MYO9A: variants seen among roughly 807,000 people sequenced by gnomAD.
MYO9A encodes the protein unconventional myosin-IXa.
A neutral mutation model predicts 293.3 loss-of-function variants in MYO9A; 103 were observed. The ratio of observed to expected loss-of-function variants is 0.35; its 90% CI spans 0.30 to 0.41. The LOEUF (loss-of-function observed/expected upper bound fraction) is 0.41, where lower values mean the gene tolerates loss of function less well. Ranked by LOEUF, MYO9A falls within the 10% of genes least tolerant of loss-of-function variation. The probability of loss-of-function intolerance (pLI) is 1.00; values close to 1 mark genes in which losing one functional copy is unlikely to be tolerated. For synonymous variants in MYO9A, 1,001 were observed against 1,035.7 expected, an observed-to-expected ratio of 0.97 and a Z score of 0.64; for missense variants, 2,685 against 3,033.0, an observed-to-expected ratio of 0.89 and a Z score of 2.69.
chr15:72,078,665 CTT>C (rs1403976301), intron 1 of MYO9A, among the ~76,000 whole-genome samples: 3 of 152,138 alleles, frequency 2.0e-5, no homozygotes, highest in African/African-American at 7.2e-5. Flanking sequence ...AAAAAAATAA[CTT>C]TAAAAACCTG....
chr15:71,936,608 AATT>A (rs1300817300), intron 16 of MYO9A, among the ~76,000 whole-genome samples: 1 of 152,126 alleles, frequency 6.6e-6, no homozygotes, highest in Non-Finnish European at 1.5e-5. Context: ...TAATATGTAT[AATT>A]ATTATGAGTG....
intron 1 of MYO9A, among the ~76,000 whole-genome samples, chr15:72,102,748 A>C (rs2080400713): frequency 4.6e-5 from 7 of 152,098 alleles, no homozygotes; most frequent in Admixed American, 4.6e-4. Flanking sequence ...TTAATGAGGA[A>C]AGGTTGAACA....
intron 9 of MYO9A, among the ~76,000 whole-genome samples, chr15:71,997,819 C>G (rs555194796): frequency 6.6e-6 from 1 of 151,992 alleles, no homozygotes; most frequent in African/African-American, 2.4e-5. Context: ...GTCAGAAAAA[C>G]GACAGATGCT....
chr15:71,836,535 G>C (rs1266119203), intron 39 of MYO9A, among the ~76,000 whole-genome samples: 3 of 151,972 alleles, frequency 2.0e-5, no homozygotes, highest in Non-Finnish European at 4.4e-5. Flanking sequence ...ATACATGTAT[G>C]AGTCCATTAA....
At chr15:72,038,505 G>A (rs2078127362) in intron 2 of MYO9A, among the ~76,000 whole-genome samples, 1 of 152,192 alleles carries the variant, frequency 6.6e-6, no homozygotes. Context: ...CAGAATCTCA[G>A]AGGACAGGAT....
chr15:72,027,121 C>A (rs1174332911), intron 4 of MYO9A, among the ~76,000 whole-genome samples: 1 of 152,114 alleles, frequency 6.6e-6, no homozygotes, highest in African/African-American at 2.4e-5. Flanking sequence ...GAGTTATATA[C>A]CCTTATTTCA....
intron 6 of MYO9A, among the ~76,000 whole-genome samples, chr15:72,016,083 G>A (rs1229945576): frequency 2.0e-5 from 3 of 152,004 alleles, no homozygotes; most frequent in South Asian, 4.2e-4. Context: ...AACAAAGGCT[G>A]AGATGTTAAT....
At chr15:71,828,731 T>G (rs560377044) in intron 40 of MYO9A, among the ~76,000 whole-genome samples, 166 of 152,338 alleles carry the variant, frequency 1.1e-3, no homozygotes, top group Admixed American at 3.1e-3. Flanking sequence ...TCAATTAATA[T>G]CTTTGTAAAA....
At chr15:72,086,061 G>A (rs557760085) in intron 1 of MYO9A, among the ~76,000 whole-genome samples, 11 of 152,268 alleles carry the variant, frequency 7.2e-5, no homozygotes, top group South Asian at 2.1e-4. Context: ...ACACTCCAGC[G>A]GGTGGTGCCA....
chr15:71,993,526 AC>A (rs1422870805), intron 10 of MYO9A, among the ~76,000 whole-genome samples: 1 of 152,154 alleles, frequency 6.6e-6, no homozygotes, highest in African/African-American at 2.4e-5. Flanking sequence ...ATAAAATGAA[AC>A]CATTCCCCTT....
intron 32 of MYO9A, among the ~76,000 whole-genome samples, chr15:71,873,378 A>G (rs1278191412): frequency 6.6e-6 from 1 of 152,152 alleles, no homozygotes; most frequent in East Asian, 1.9e-4. Flanking sequence ...CTCTTCTTCA[A>G]TAAAGAACCT....
chr15:71,956,150 TA>T (rs1376778592), intron 14 of MYO9A, among the ~76,000 whole-genome samples: 5 of 149,286 alleles, frequency 3.3e-5, no homozygotes, highest in Non-Finnish European at 5.9e-5. Context: ...AAAACAAATT[TA>T]AAAAAAGAAA....
rs767472354 is a variant in MYO9A at position 71,935,440 on chromosome 15, T to C, written c.2423A>G (p.Gln808Arg). 20 of 1,613,718 alleles carry C rather than the reference T, an allele frequency of 1.2e-5. No individual in the cohort carries two copies. In the South Asian group the frequency reaches 2.2e-4, roughly 18 times the overall value. Reference sequence around the variant, plus strand: ...GGAGGTGCCACTTGATAGTCTGCTCTGGCGAATCCCAGTTCTGCCATTCCA... The same window carrying C: ...GGAGGTGCCACTTGATAGTCTGCTCCGGCGAATCCCAGTTCTGCCATTCCA... ...IAWNGRTGIR[Q>R]SRLSSGTSLL... Residue 808 changes from glutamine to arginine, a missense_variant, in exon 17 of 42, where the codon CAG (glutamine) becomes CGG (arginine). Gln to Arg is a conservative substitution (Grantham distance 43). This residue lies in a region of MYO9A where 1,434 missense variants were observed against 1,497.7 expected (regional missense o/e 0.96). Transcript: ENST00000356056.
chr15:72,116,325 A>G (rs2080976372), intron 1 of MYO9A, among the ~76,000 whole-genome samples: 1 of 152,224 alleles, frequency 6.6e-6, no homozygotes, highest in Non-Finnish European at 1.5e-5. Flanking sequence ...AGACCTCTTT[A>G]TATTTCATCT....
chr15:72,078,575 A>G (rs922194267), intron 1 of MYO9A, among the ~76,000 whole-genome samples: 24 of 152,082 alleles, frequency 1.6e-4, no homozygotes, highest in African/African-American at 5.5e-4. Context: ...ACTATTCAAG[A>G]GGCTGAGGTG....
chr15:71,987,323 C>A (rs1161541213), intron 11 of MYO9A, among the ~76,000 whole-genome samples: 1 of 152,194 alleles, frequency 6.6e-6, no homozygotes, highest in Non-Finnish European at 1.5e-5. Context: ...CTTTCCAGTT[C>A]ACTGCTCTTC....
Position 71,826,472 on chromosome 15 carries a change from C to T in MYO9A, c.*108G>A. On this transcript the variant is annotated 3_prime_UTR_variant, in exon 42 of 42. Coordinates refer to ENST00000356056, the MANE Select transcript of MYO9A (RefSeq NM_006901.4). ...CTTAGCCATATGCTTAGAAAAGAGG[C>T]AGGACCACAATTAGGATTGACTATT... 2 of 1,113,206 alleles carry T rather than the reference C, an allele frequency of 1.8e-6. No homozygotes were observed. Among genetic ancestry groups the T allele is most frequent in the Non-Finnish European group, 2.6e-6 (2 of 782,554 alleles). 69.0% of individuals were successfully genotyped at this position (1,113,206 alleles called of 1,614,324 possible). A position where few individuals can be genotyped will look rare whatever the true frequency, so the allele number is the denominator to read the frequency against.
intron 1 of MYO9A, among the ~76,000 whole-genome samples, chr15:72,077,881 T>C (rs2079420185): frequency 6.7e-6 from 1 of 150,170 alleles, no homozygotes; most frequent in South Asian, 2.1e-4. Context: ...TAAACAGACA[T>C]CCCACCAAAG....
chr15:71,928,738 A>G (rs1405766225), intron 18 of MYO9A, among the ~76,000 whole-genome samples: 1 of 151,904 alleles, frequency 6.6e-6, no homozygotes, highest in Admixed American at 6.6e-5. Context: ...TCTTTTTCAG[A>G]TAGTTCATTT....
Sources: gnomAD v4.1 joint callset for allele counts (sites outside exome capture counted in the v4.1 genomes callset) on GRCh38, gnomAD v4.1.1 for gene constraint, gnomAD v4.1.1 regional missense constraint, MANE v1.5 for transcripts, NCBI Gene and HGNC (gene_info 2026-07-23, HGNC 2026-07-21) for gene names.